MLLT10: variants seen among roughly 807,000 people sequenced by gnomAD.
The protein encoded by MLLT10 is MLLT10 histone lysine methyltransferase DOT1L cofactor, also known as protein AF-10.
Under a neutral mutation model 129.1 loss-of-function variants are expected in MLLT10, and 30 were observed. That is an observed-to-expected ratio of 0.23 (90% CI 0.17 to 0.32). The LOEUF (loss-of-function observed/expected upper bound fraction) is 0.32. MLLT10 is among the 10% of genes least tolerant of loss of function. The pLI is 1.00. For synonymous variants in MLLT10, 490 were observed against 446.4 expected (o/e 1.10, Z -1.23); for missense variants, 1,119 against 1,268.3 (o/e 0.88, Z 1.79).
rs757104853 is a variant in MLLT10 at position 21,534,777 on chromosome 10, C to G, written c.133C>G (p.His45Asp). ...GAACCCGCTGGTTTATTGCGACGGG[C>G]ACGGCTGCAGCGTCGCGGTGCATCA... Reference protein sequence around the residue: ...AENPLVYCDGHGCSVAVHQAC... With the variant: ...AENPLVYCDGDGCSVAVHQAC... The change falls in exon 2 of 23, where the codon CAC becomes GAC. Residue 45 changes from histidine (H) to aspartate (D), a missense_variant. Around this residue, in one of 5 missense-constraint regions of MLLT10, gnomAD observed 33 missense variants for 76.9 expected, o/e 0.43. Transcript: ENST00000307729. The G allele has an allele frequency of 6.2e-7, 1 of 1,611,534 alleles. No homozygotes were observed. The highest frequency in any genetic ancestry group is 1.7e-5 in the Admixed American group (1 of 59,764).
rs191944262 is a variant in MLLT10, at chr10:21,626,364, G to A, written c.699+9157G>A. On this transcript the variant is annotated intron_variant, in intron 8 of 22. Coordinates refer to ENST00000307729, the MANE Select transcript of MLLT10 (RefSeq NM_001195626.3). ...TTGAAAATGACTAGAAATCTCGCAC[G>A]CGTGCCACCCCCCAAGTCTATGATT... 1.3e-3 allele frequency: 879 copies of A among 661,252 alleles called. 7 individuals are homozygous for A. The African/African-American group carries it at 0.014, about 11-fold the overall frequency. 41.0% of individuals were successfully genotyped at this position (661,252 alleles called of 1,614,324 possible).
intron 7 of MLLT10, among the ~76,000 whole-genome samples, chr10:21,615,885 T>G (rs1376538105): frequency 2.0e-5 from 3 of 152,182 alleles, no homozygotes; most frequent in Non-Finnish European, 4.4e-5. Flanking sequence ...ATGCCTGAAG[T>G]CCCGAGTATC....
chr10:21,732,923 A>G lies in MLLT10; in HGVS notation c.2243A>G (p.His748Arg). ...GTTTTAGGAATGCTGAAGTCATTAC[A>G]CCAACTTCAAGTTGAAAACCGAAGA... The part of the protein sequence containing the change: ...SDILGMLKSL[H>R]QLQVENRRLE... Residue 748 changes from histidine (H) to arginine (R), a missense_variant, in exon 18 of 23, where the codon CAC becomes CGC. By Grantham distance (29) the His-to-Arg change is conservative. Coordinates refer to ENST00000307729, the MANE Select transcript of MLLT10 (RefSeq NM_001195626.3). The G allele has an allele frequency of 6.2e-7, 1 of 1,613,956 alleles. No homozygotes were observed. Among genetic ancestry groups the G allele is most frequent in the Non-Finnish European group, 8.5e-7 (1 of 1,179,944 alleles).
intron 5 of MLLT10, among the ~76,000 whole-genome samples, chr10:21,609,978 C>G (rs1354529154): frequency 6.6e-6 from 1 of 152,112 alleles, no homozygotes; most frequent in Non-Finnish European, 1.5e-5. Context: ...AAAACAAAGT[C>G]TGTCCTCAGG....
chr10:21,595,184 A>G (rs151056847), intron 4 of MLLT10, 147 bp from the exon 5 acceptor site: 9,811 of 546,442 alleles, frequency 0.018, 133 homozygotes, highest in South Asian at 0.048. Context: ...TTCTCAAGCA[A>G]TGGAAGTAAG....
rs755064344 is a variant in MLLT10, at chr10:21,727,880, G to T, written c.2015G>T (p.Arg672Leu). Residue 672 changes from arginine (R) to leucine (L), a missense_variant, in exon 16 of 23, where the codon CGC (arginine) becomes CTC (leucine). Physicochemically the swap from Arg to Leu is moderately radical, Grantham distance 102. Around this residue, in one of 5 missense-constraint regions of MLLT10, gnomAD observed 1,004 missense variants for 1,008.7 expected, o/e 1.00. Transcript: ENST00000307729. ...GATCAAGATCTTGGAGACAATAGCCGCAACCTAGTTGGCAGAGGAAGCTCA... is the reference window on the plus strand; with the variant it reads ...GATCAAGATCTTGGAGACAATAGCCTCAACCTAGTTGGCAGAGGAAGCTCA... The part of the protein sequence containing the change: ...QTDQDLGDNS[R>L]NLVGRGSSPR... 6.2e-7 allele frequency: 1 copy of T among 1,613,936 alleles called. No individual in the cohort carries two copies. Among genetic ancestry groups the T allele is most frequent in the Admixed American group, 1.7e-5 (1 of 60,012 alleles).
intron 5 of MLLT10, among the ~76,000 whole-genome samples, chr10:21,611,053 A>ATGGCATG (rs1243491744): frequency 7.1e-6 from 1 of 139,968 alleles, no homozygotes; most frequent in Admixed American, 7.6e-5. Context: ...CTGGAGTGCA[A>ATGGCATG]TGGCATGATC....
At chr10:21,687,103 G>T (rs1482344592) in intron 13 of MLLT10, among the ~76,000 whole-genome samples, 1 of 152,104 alleles carries the variant, frequency 6.6e-6, no homozygotes, top group Admixed American at 6.6e-5. Context: ...TAATTATGAT[G>T]CTTCTGGTTT....
chr10:21,573,787 T>G (rs2131044616), intron 3 of MLLT10, among the ~76,000 whole-genome samples: 1 of 152,184 alleles, frequency 6.6e-6, no homozygotes, highest in South Asian at 2.1e-4. Context: ...TCTCCTGACC[T>G]CAAGTGATCC....
intron 5 of MLLT10, among the ~76,000 whole-genome samples, chr10:21,611,162 A>AT (rs754596411): frequency 0.021 from 2,448 of 115,466 alleles, 47 homozygotes; most frequent in African/African-American, 0.055. Flanking sequence ...ATGCCCGGCT[A>AT]TTTTTTTTTT....
intron 3 of MLLT10, among the ~76,000 whole-genome samples, chr10:21,580,741 G>A (rs1240220373): frequency 6.6e-6 from 1 of 150,408 alleles, no homozygotes; most frequent in Non-Finnish European, 1.5e-5. Flanking sequence ...TTGCACTGTC[G>A]CCTGGGCTGG....
Position 21,670,439 on chromosome 10 carries a change from A to C in MLLT10, c.796-10A>C. 1.9e-6 allele frequency: 3 copies of C among 1,581,766 alleles called. No homozygotes were observed. In the South Asian group the frequency reaches 3.5e-5, roughly 18 times the overall value. On this transcript the variant is annotated splice_polypyrimidine_tract_variant and intron_variant, in intron 9 of 22. Coordinates refer to ENST00000307729, the MANE Select transcript of MLLT10 (RefSeq NM_001195626.3). ...CTCTTTTTCCTTCCCTTTTTGAATC[A>C]AAATGTTAGACTTATACAAGCACTA... is the stretch of plus-strand genomic sequence containing the variant.
At chr10:21,542,361 G>A (rs1020586119) in intron 3 of MLLT10, among the ~76,000 whole-genome samples, 1 of 152,152 alleles carries the variant, frequency 6.6e-6, no homozygotes, top group African/African-American at 2.4e-5. Context: ...ATGAGGTCAG[G>A]AGTTCGAGAC....
chr10:21,640,702 A>T (rs1195693801), intron 8 of MLLT10, among the ~76,000 whole-genome samples: 3 of 152,200 alleles, frequency 2.0e-5, no homozygotes, highest in African/African-American at 7.2e-5. Flanking sequence ...TATATGAGCA[A>T]CCTTGAAAAG....
At chr10:21,695,592 T>C (rs1018962639) in intron 13 of MLLT10, among the ~76,000 whole-genome samples, 3 of 152,212 alleles carry the variant, frequency 2.0e-5, no homozygotes, top group African/African-American at 7.2e-5. Flanking sequence ...TAATATTTAT[T>C]TGCCATTTCT....
intron 3 of MLLT10, among the ~76,000 whole-genome samples, chr10:21,568,873 A>G (rs2039890638): frequency 6.6e-6 from 1 of 152,116 alleles, no homozygotes; most frequent in African/African-American, 2.4e-5. Flanking sequence ...TGACCTTGTG[A>G]TACACCTGCC....
In MLLT10 at chr10:21,615,247, T is replaced by C. The variant is rs374520517; in HGVS notation, c.603+323T>C. On this transcript the variant is annotated intron_variant, in intron 7 of 22. Transcript: ENST00000307729. ...CCGAGGCGGGTGGATCACCTGAGGTTGGGAATTGGAGACCAGCCTGACCAG... is the reference window on the plus strand; with the variant it reads ...CCGAGGCGGGTGGATCACCTGAGGTCGGGAATTGGAGACCAGCCTGACCAG... Among the ~76,000 whole-genome samples the C allele has an allele frequency of 2.6e-5, 4 of 151,838 alleles. No individual in the cohort carries two copies. The East Asian group carries it at 7.7e-4, about 29-fold the overall frequency.
intron 8 of MLLT10, among the ~76,000 whole-genome samples, chr10:21,634,298 G>A (rs2047262630): frequency 6.6e-6 from 1 of 152,172 alleles, no homozygotes; most frequent in African/African-American, 2.4e-5. Flanking sequence ...GTTCAGACTA[G>A]TTGTTTTGCA....
chr10:21,575,672 G>GATT (rs2040656359), intron 3 of MLLT10, among the ~76,000 whole-genome samples: 1 of 152,098 alleles, frequency 6.6e-6, no homozygotes, highest in Non-Finnish European at 1.5e-5. Context: ...ACATTGCTTA[G>GATT]ATTATTATTA....
Sources: allele counts gnomAD v4.1 joint callset (sites outside exome capture counted in the v4.1 genomes callset), GRCh38; gene constraint gnomAD v4.1.1; regional missense constraint gnomAD v4.1.1; transcripts MANE v1.5; gene names NCBI Gene and HGNC (gene_info 2026-07-23, HGNC 2026-07-21).